The following ALG8 variants were observed in gnomAD, a reference collection of about 807,000 sequenced individuals.
ALG8 encodes ALG8 alpha-1,3-glucosyltransferase.
In ALG8, 48 loss-of-function variants were observed where a neutral mutation model predicts 70.2. The observed-to-expected ratio is 0.68, with a 90% confidence interval of 0.54 to 0.87. ALG8 has a LOEUF of 0.87. Among genes scored for constraint, ALG8 ranks in the 40% least tolerant of loss-of-function variants. The pLI, the probability that ALG8 is intolerant of heterozygous loss-of-function variation, is 0.00. For missense variants in ALG8, 572 were observed against 608.7 expected (o/e 0.94, Z 0.64); for synonymous variants, 234 against 229.0 (o/e 1.02, Z -0.20).
chr11:78,129,146 CGCGGT>C (rs1861199754), intron 1 of ALG8, among the ~76,000 whole-genome samples: 1 of 151,832 alleles, frequency 6.6e-6, no homozygotes, highest in Non-Finnish European at 1.5e-5. Context: ...TGGGGCCGGG[CGCGGT>C]GGCTCACACC....
Position 78,139,281 on chromosome 11 carries a change from T to C in ALG8, c.95+213A>G, listed in dbSNP as rs990183279. ...TGAGGTTCAGAAACGTTAAAGTGAT[T>C]TGTTCCAAATCAGACAGCGCCAGGT... is the stretch of plus-strand genomic sequence containing the variant. On this transcript the variant is annotated intron_variant, in intron 1 of 12. Transcript: ENST00000299626. The C allele has an allele frequency of 3.4e-5, 20 of 596,266 alleles. No individual in the cohort carries two copies. In the East Asian group the frequency reaches 4.5e-4, roughly 13 times the overall value. The allele number at this position is 596,266 out of a possible 1,614,324, so 36.9% of individuals were successfully genotyped here. A position where few individuals can be genotyped will look rare whatever the true frequency, so the allele number is the denominator to read the frequency against.
intron 10 of ALG8, 97 bp downstream of exon 10, chr11:78,106,710 C>T (rs1860049769): frequency 3.3e-6 from 5 of 1,535,924 alleles, no homozygotes; most frequent in South Asian, 2.3e-5. Context: ...TTGTTTTTGC[C>T]TATCCTGGTG....
intron 1 of ALG8, among the ~76,000 whole-genome samples, chr11:78,134,256 G>C (rs1048855022): frequency 6.6e-6 from 1 of 151,860 alleles, no homozygotes; most frequent in African/African-American, 2.4e-5. Flanking sequence ...TCCTGCCTCA[G>C]CCTCCTAAGT....
chr11:78,119,363 T>C, intron 4 of ALG8, 114 bp from the exon 5 acceptor site: 1 of 736,114 alleles, frequency 1.4e-6, no homozygotes, highest in Non-Finnish European at 2.4e-6. Context: ...AGACAAAAAA[T>C]ACTACTACTA....
At chr11:78,115,995 G>A (rs111788500) in intron 5 of ALG8, among the ~76,000 whole-genome samples, 10,597 of 152,218 alleles carry the variant, frequency 0.07, 1,224 homozygotes, top group African/African-American at 0.24. Context: ...AGCACTATCA[G>A]GCTGAAGGCA....
intron 1 of ALG8, among the ~76,000 whole-genome samples, chr11:78,132,359 T>C (rs1861342142): frequency 6.6e-6 from 1 of 152,248 alleles, no homozygotes; most frequent in Non-Finnish European, 1.5e-5. Context: ...TTCTCTCATG[T>C]AGACTTTCTC....
At chr11:78,107,216 T>C (rs1231101157) in intron 9 of ALG8, among the ~76,000 whole-genome samples, 6 of 147,548 alleles carry the variant, frequency 4.1e-5, no homozygotes, top group Non-Finnish European at 8.9e-5. Context: ...TATATATATA[T>C]ATATATAATT....
chr11:78,138,759 G>A (rs1054352191), intron 1 of ALG8: 1 of 456,318 alleles, frequency 2.2e-6, no homozygotes, highest in Non-Finnish European at 4.4e-6. Flanking sequence ...CACGCTTTCA[G>A]TCTTGGCCCT....
Position 78,119,200 on chromosome 11 carries a change from G to GGA in ALG8, c.526_527dup (p.Ile177ProfsTer30). On this transcript the variant is annotated frameshift_variant, in exon 5 of 13. Coordinates refer to ENST00000299626, the MANE Select transcript of ALG8 (RefSeq NM_024079.5). LOFTEE classifies it high-confidence loss of function. ...TGTTTACCTGAAATAATCGTGCAATGGAGAGTAGCATTAATCCAAATAAAA... is the reference window on the plus strand; with the variant it reads ...TGTTTACCTGAAATAATCGTGCAATGGAGAGAGTAGCATTAATCCAAATAAAA... 6.2e-7 allele frequency: 1 copy of GGA among 1,610,658 alleles called. No homozygotes were observed. Among genetic ancestry groups the GGA allele is most frequent in the East Asian group, 2.2e-5 (1 of 44,784 alleles).
intron 1 of ALG8, among the ~76,000 whole-genome samples, chr11:78,138,242 C>T (rs1287083592): frequency 6.6e-6 from 1 of 151,368 alleles, no homozygotes; most frequent in African/African-American, 2.4e-5. Flanking sequence ...CCAGCTACTC[C>T]GGAGGCTGAG....
chr11:78,135,181 C>T (rs1398414268), intron 1 of ALG8: 28 of 151,812 alleles, frequency 1.8e-4, no homozygotes, highest in Admixed American at 1.8e-3. Flanking sequence ...CAGCAAAAAC[C>T]CATCTCTACT....
intron 10 of ALG8, 125 bp downstream of exon 10, chr11:78,106,682 A>G: frequency 3.2e-6 from 4 of 1,254,154 alleles, no homozygotes; most frequent in Non-Finnish European, 4.5e-6. Flanking sequence ...CCTAGTGGAC[A>G]TCTGTTCCTA....
At chr11:78,128,193 C>T (rs1861158605) in intron 1 of ALG8, among the ~76,000 whole-genome samples, 1 of 152,168 alleles carries the variant, frequency 6.6e-6, no homozygotes, top group African/African-American at 2.4e-5. Flanking sequence ...TCTCCAAATT[C>T]TCCCTCTTCC....
chr11:78,106,181 C>A (rs1050711616), intron 10 of ALG8, among the ~76,000 whole-genome samples: 1 of 151,966 alleles, frequency 6.6e-6, no homozygotes, highest in Non-Finnish European at 1.5e-5. Flanking sequence ...GACGGGATGA[C>A]ACCAAAGCCC....
Position 78,127,422 on chromosome 11 carries a change from A to C in ALG8, c.110T>G (p.Phe37Cys). The change falls in exon 2 of 13, where the codon TTT (phenylalanine) becomes TGT (cysteine). Residue 37 changes from phenylalanine (F) to cysteine (C), a missense_variant. Physicochemically the swap from Phe to Cys is radical, Grantham distance 205. Transcript: ENST00000299626. The part of the protein sequence containing the change: ...LLIPTYHSTD[F>C]EVHRNWLAIT... Reference sequence around the variant, plus strand: ...AGCAAGCCAGTTTCGGTGTACTTCAAAATCTGTGGAATGGCTACTCAAAAC... The same window carrying C: ...AGCAAGCCAGTTTCGGTGTACTTCACAATCTGTGGAATGGCTACTCAAAAC... 1 of 1,613,956 alleles carries C rather than the reference A, an allele frequency of 6.2e-7. No individual in the cohort carries two copies.
At chr11:78,109,394 AAAAGC>A in intron 9 of ALG8, 43 bp downstream of exon 9, 1 of 1,612,722 alleles carries the variant, frequency 6.2e-7, no homozygotes, top group Non-Finnish European at 8.5e-7. Flanking sequence ...CAGACAAAAG[AAAAGC>A]AGAGAAAACT....
chr11:78,133,854 T>C (rs1861421528), intron 1 of ALG8, among the ~76,000 whole-genome samples: 1 of 150,314 alleles, frequency 6.7e-6, no homozygotes, highest in Non-Finnish European at 1.5e-5. Context: ...TGAGCCGAGA[T>C]AGCGCCACTG....
chr11:78,124,362 G>A, intron 2 of ALG8, 148 bp from the exon 3 acceptor site: 1 of 764,362 alleles, frequency 1.3e-6, no homozygotes, highest in Non-Finnish European at 2.2e-6. Flanking sequence ...CAGCACTTTG[G>A]GAGGACAAGG....
chr11:78,109,795 A>C (rs1429667244), intron 8 of ALG8, among the ~76,000 whole-genome samples: 1 of 152,250 alleles, frequency 6.6e-6, no homozygotes, highest in Non-Finnish European at 1.5e-5. Flanking sequence ...GCATTGGAAC[A>C]GGGAATTTGT....
Sources: allele counts gnomAD v4.1 joint callset (sites outside exome capture counted in the v4.1 genomes callset), GRCh38; gene constraint gnomAD v4.1.1; transcripts MANE v1.5; gene names NCBI Gene and HGNC (gene_info 2026-07-23, HGNC 2026-07-21).